The following RNF122 variants were observed in gnomAD, a reference collection of about 807,000 sequenced individuals.
The protein encoded by RNF122 is ring finger protein 122.
A neutral mutation model predicts 24.2 loss-of-function variants in RNF122; 17 were observed. The observed-to-expected ratio is 0.70, with a 90% confidence interval of 0.48 to 1.06. The LOEUF is 1.06. Among genes scored for constraint, RNF122 ranks in the 50% least tolerant of loss-of-function variants. The pLI, the probability that RNF122 is intolerant of heterozygous loss-of-function variation, is 0.00. For synonymous variants in RNF122, 65 were observed against 71.8 expected (o/e 0.91, Z 0.48); for missense variants, 168 against 198.1 (o/e 0.85, Z 0.91).
intron 2 of RNF122, among the ~76,000 whole-genome samples, chr8:33,556,119 G>A (rs1253002053): frequency 6.8e-6 from 1 of 146,496 alleles, no homozygotes; most frequent in African/African-American, 2.5e-5. Context: ...GGTGGAGGTT[G>A]CAGTGGGCCG....
At chr8:33,549,128 G>C (rs1344811895) in intron 5 of RNF122, among the ~76,000 whole-genome samples, 1 of 151,860 alleles carries the variant, frequency 6.6e-6, no homozygotes, top group African/African-American at 2.4e-5. Flanking sequence ...GGCTGAGGCA[G>C]GAGAATCGCT....
At position 33,567,098 on chromosome 8, in the gene RNF122, G is replaced by A. The variant is rs1446570008; in HGVS notation, c.-375C>T. 9.8e-6 allele frequency: 3 copies of A among 307,366 alleles called. No individual in the cohort carries two copies. The highest frequency in any genetic ancestry group is 6.2e-6 in the Non-Finnish European group (1 of 160,384). The allele number at this position is 307,366 out of a possible 1,614,324, so 19.0% of individuals were successfully genotyped here. On this transcript the variant is annotated 5_prime_UTR_variant, in exon 1 of 6. Transcript: ENST00000256257. ...GGCTCGGATCGGGTTCAGCGGCGCA[G>A]AGGTGAGCTGGCTGGGGTTCCGAAA...
intron 2 of RNF122, among the ~76,000 whole-genome samples, chr8:33,555,130 T>C (rs1229349551): frequency 6.6e-6 from 1 of 152,160 alleles, no homozygotes; most frequent in Non-Finnish European, 1.5e-5. Context: ...TGGTGCTCAG[T>C]AGCACCACAG....
At chr8:33,561,633 C>T (rs1810541784) in intron 1 of RNF122, among the ~76,000 whole-genome samples, 1 of 152,008 alleles carries the variant, frequency 6.6e-6, no homozygotes, top group African/African-American at 2.4e-5. Flanking sequence ...ACCTCTGCCT[C>T]CTGGGTTCAA....
At chr8:33,556,501 C>T (rs1810454467) in intron 2 of RNF122, among the ~76,000 whole-genome samples, 1 of 152,074 alleles carries the variant, frequency 6.6e-6, no homozygotes, top group African/African-American at 2.4e-5. Flanking sequence ...AGGAAAGGGA[C>T]CAAGGAGAGT....
Position 33,559,680 on chromosome 8 carries a change from G to A in RNF122, c.26-909C>T, listed in dbSNP as rs1810510656. ...CCAGCATTCCAGAAAGTGGCGATGG[G>A]GGTGGGGAGGAGGTTGCAACTTCCC... On this transcript the variant is annotated intron_variant, in intron 1 of 5. Transcript: ENST00000256257. Among the ~76,000 whole-genome samples the A allele has an allele frequency of 2.6e-5, 4 of 152,064 alleles. No individual in the cohort carries two copies. In the South Asian group the frequency reaches 8.3e-4, roughly 32 times the overall value.
chr8:33,556,877 T>G (rs1057482460), intron 2 of RNF122, among the ~76,000 whole-genome samples: 1 of 152,192 alleles, frequency 6.6e-6, no homozygotes, highest in African/African-American at 2.4e-5. Context: ...AGGTAGCACC[T>G]GGGAGTGGTG....
At chr8:33,566,278 T>G (rs1810621976) in intron 1 of RNF122, among the ~76,000 whole-genome samples, 1 of 152,134 alleles carries the variant, frequency 6.6e-6, no homozygotes, top group Admixed American at 6.5e-5. Context: ...TATACATATT[T>G]ACAATAGCCT....
chr8:33,564,336 C>G (rs192774052), intron 1 of RNF122, among the ~76,000 whole-genome samples: 1 of 151,984 alleles, frequency 6.6e-6, no homozygotes, highest in East Asian at 1.9e-4. Flanking sequence ...CTGCTTGAGC[C>G]CAGGAGTTCA....
At chr8:33,560,553 C>A (rs1203585595) in intron 1 of RNF122, among the ~76,000 whole-genome samples, 1 of 145,626 alleles carries the variant, frequency 6.9e-6, no homozygotes, top group Non-Finnish European at 1.5e-5. Flanking sequence ...TCTTTTTTTC[C>A]TTTTTTTTTT....
chr8:33,566,793 C>G lies in RNF122; in HGVS notation c.-70G>C, dbSNP rs1810633278. On this transcript the variant is annotated 5_prime_UTR_variant, in exon 1 of 6. Transcript: ENST00000256257. ...GGGTGCCAGGAGGGCGGGGTGGGAG[C>G]ACTAGCGGCGTGAGGGGCCGCAGGC... 7.7e-6 allele frequency: 12 copies of G among 1,548,488 alleles called. No individual in the cohort carries two copies. Among genetic ancestry groups the G allele is most frequent in the African/African-American group, 1.4e-5 (1 of 73,826 alleles).
At chr8:33,564,188 G>A (rs1314102913) in intron 1 of RNF122, among the ~76,000 whole-genome samples, 2 of 152,156 alleles carry the variant, frequency 1.3e-5, no homozygotes, top group Non-Finnish European at 2.9e-5. Flanking sequence ...AGTTTCTGAA[G>A]GGGTGAGGGA....
chr8:33,554,861 G>A (rs1321106234), intron 2 of RNF122, among the ~76,000 whole-genome samples: 2 of 152,202 alleles, frequency 1.3e-5, no homozygotes, highest in Non-Finnish European at 2.9e-5. Context: ...CTCTGAGAGA[G>A]GGGGAAGAAT....
chr8:33,551,272 G>T, intron 3 of RNF122, 72 bp downstream of exon 3: 1 of 1,572,012 alleles, frequency 6.4e-7, no homozygotes, highest in Non-Finnish European at 8.8e-7. Flanking sequence ...GAGAACCTGA[G>T]CCTGCCCTCC....
intron 2 of RNF122, among the ~76,000 whole-genome samples, chr8:33,556,234 T>C (rs890085646): frequency 1.3e-5 from 2 of 151,358 alleles, no homozygotes. Context: ...TATTATTGGT[T>C]GATTTACGAA....
Position 33,566,847 on chromosome 8 carries a change from C to G in RNF122, c.-124G>C, listed in dbSNP as rs1288875140. On this transcript the variant is annotated 5_prime_UTR_variant, in exon 1 of 6. Transcript: ENST00000256257. ...GTCGGGGCAGCGCGCTGCAGCCGCC[C>G]TGCTGGAGAAGCCGAACTCCCTCCG... is the stretch of plus-strand genomic sequence containing the variant. The G allele has an allele frequency of 8.8e-7, 1 of 1,136,660 alleles. No homozygotes were observed. The highest frequency in any genetic ancestry group is 1.5e-5 in the African/African-American group (1 of 64,886). The allele number at this position is 1,136,660 out of a possible 1,614,324, so 70.4% of individuals were successfully genotyped here.
chr8:33,565,442 ATC>A (rs1173732081), intron 1 of RNF122, among the ~76,000 whole-genome samples: 1 of 151,568 alleles, frequency 6.6e-6, no homozygotes, highest in African/African-American at 2.4e-5. Flanking sequence ...GCTGCTTCCC[ATC>A]TCTCTCTCCC....
intron 4 of RNF122, among the ~76,000 whole-genome samples, chr8:33,549,826 C>T (rs948819757): frequency 1.3e-5 from 2 of 152,142 alleles, no homozygotes; most frequent in African/African-American, 2.4e-5. Flanking sequence ...CTGGAAATTA[C>T]TGTCCTAGAA....
rs749460188 is a variant in RNF122 at position 33,566,700 on chromosome 8, G to A, written c.24C>T (p.Asn8=). 3 of 1,603,738 alleles carry A rather than the reference G, an allele frequency of 1.9e-6. No individual in the cohort carries two copies. The highest frequency in any genetic ancestry group is 1.1e-5 in the South Asian group (1 of 88,750). The change falls in exon 1 of 6, where the codon AAC becomes AAT. Residue 8 remains asparagine, a splice_region_variant and synonymous_variant. Transcript: ENST00000256257. ...TCGGCCCTCGCCCCGGGGACTCACC[G>A]TTACACCACTGGAATGGGTGCATCA... The part of the protein sequence containing the change: MHPFQWC[N]GCFCGLGLVS...
Sources: gnomAD v4.1 joint callset for allele counts (sites outside exome capture counted in the v4.1 genomes callset) on GRCh38, gnomAD v4.1.1 for gene constraint, MANE v1.5 for transcripts, NCBI Gene and HGNC (gene_info 2026-07-23, HGNC 2026-07-21) for gene names.